HSD17B14: variants seen among roughly 807,000 people sequenced by gnomAD.
HSD17B14 encodes the protein L-fucose dehydrogenase.
In HSD17B14, 32 loss-of-function variants were observed where a neutral mutation model predicts 32.2. That is an observed-to-expected ratio of 0.99 (90% CI 0.75 to 1.33). HSD17B14 has a LOEUF of 1.33. Ranked by LOEUF, HSD17B14 falls within the 40% of genes most tolerant of loss-of-function variation. HSD17B14 has a pLI of 0.00. For missense variants in HSD17B14, 370 were observed against 366.5 expected, an observed-to-expected ratio of 1.01 and a Z score of -0.08; for synonymous variants, 140 against 155.4, an observed-to-expected ratio of 0.90 and a Z score of 0.74.
At chr19:48,830,883 A>T (rs1568523769) in intron 5 of HSD17B14, among the ~76,000 whole-genome samples, 4 of 108,800 alleles carry the variant, frequency 3.7e-5, no homozygotes, top group Admixed American at 2.4e-4. Flanking sequence ...AATGTTGCCC[A>T]GGCTGTATGC....
At position 48,826,528 on chromosome 19, in the gene HSD17B14, A is replaced by AAAATATATAT. The variant is rs777368104; in HGVS notation, c.369+5139_369+5140insATATATATTT. Among the ~76,000 whole-genome samples, 3 of 23,078 alleles carry AAAATATATAT rather than the reference A, an allele frequency of 1.3e-4. 1 individual carries two copies. The highest frequency in any genetic ancestry group is 2.6e-4 in the Non-Finnish European group (3 of 11,524). 15.1% of individuals were successfully genotyped at this position (23,078 alleles called of 152,430 possible). A position where few individuals can be genotyped will look rare whatever the true frequency, so the allele number is the denominator to read the frequency against. ...AAAAAAAAGTAAAAGAAAAGAAGAA[A>AAAATATATAT]ATATATATATATATACACACACACA... On this transcript the variant is annotated intron_variant, in intron 5 of 8. Coordinates refer to ENST00000263278, the MANE Select transcript of HSD17B14 (RefSeq NM_016246.3).
chr19:48,832,660 A>T lies in HSD17B14; in HGVS notation c.277+6T>A. The T allele has an allele frequency of 6.2e-7, 1 of 1,612,476 alleles. No individual in the cohort carries two copies. The highest frequency in any genetic ancestry group is 8.5e-7 in the Non-Finnish European group (1 of 1,179,514). ...TGGAGAATGGCCCTGGGGTCTCACA[A>T]CTCACGGTGGCCAGCGTTGTTGACA... On this transcript the variant is annotated splice_donor_region_variant and intron_variant, in intron 4 of 8. Transcript: ENST00000263278.
chr19:48,828,470 T>C (rs1342632697), intron 5 of HSD17B14, among the ~76,000 whole-genome samples: 2 of 151,552 alleles, frequency 1.3e-5, no homozygotes, highest in African/African-American at 2.4e-5. Context: ...AGTTAAAAAT[T>C]AGTCAGTCAT....
At chr19:48,821,305 G>A (rs1017667159) in intron 5 of HSD17B14, among the ~76,000 whole-genome samples, 5 of 152,138 alleles carry the variant, frequency 3.3e-5, no homozygotes, top group African/African-American at 9.7e-5. Context: ...GAGCCACCGC[G>A]CCTGGCCTCA....
At chr19:48,821,147 G>T (rs1367651969) in intron 5 of HSD17B14, among the ~76,000 whole-genome samples, 22 of 151,776 alleles carry the variant, frequency 1.4e-4, no homozygotes, top group Admixed American at 1.4e-3. Flanking sequence ...TGAGTAGGTG[G>T]GACTACAGGC....
At chr19:48,821,075 C>T (rs933756250) in intron 5 of HSD17B14, among the ~76,000 whole-genome samples, 20 of 148,564 alleles carry the variant, frequency 1.3e-4, no homozygotes, top group Admixed American at 4.8e-4. Flanking sequence ...TGCAGTGGCG[C>T]GATCTCAGCT....
intron 5 of HSD17B14, among the ~76,000 whole-genome samples, chr19:48,829,540 T>C (rs1309972463): frequency 6.6e-6 from 1 of 150,760 alleles, no homozygotes. Flanking sequence ...TTAGTAGAGA[T>C]GGGGTTTCAC....
intron 5 of HSD17B14, among the ~76,000 whole-genome samples, chr19:48,820,789 G>A (rs1326172065): frequency 2.0e-5 from 3 of 151,788 alleles, no homozygotes; most frequent in African/African-American, 7.3e-5. Flanking sequence ...GATAGCTTGA[G>A]CCCAGGAGTT....
intron 5 of HSD17B14, among the ~76,000 whole-genome samples, chr19:48,830,588 C>G (rs571182177): frequency 1.3e-5 from 2 of 152,200 alleles, no homozygotes; most frequent in South Asian, 4.2e-4. Flanking sequence ...CTGATCTTGT[C>G]TCAGAGTGTG....
intron 6 of HSD17B14, 91 bp from the exon 7 acceptor site, chr19:48,813,821 A>C: frequency 1.4e-6 from 2 of 1,415,970 alleles, no homozygotes; most frequent in Non-Finnish European, 2.0e-6. Flanking sequence ...GGGGCATCAG[A>C]ATGGGGAAGT....
intron 5 of HSD17B14, among the ~76,000 whole-genome samples, chr19:48,827,068 A>C (rs900737009): frequency 6.8e-6 from 1 of 146,140 alleles, no homozygotes; most frequent in Non-Finnish European, 1.5e-5. Flanking sequence ...TTTGAGATGG[A>C]GTCTCGCTCT....
intron 5 of HSD17B14, among the ~76,000 whole-genome samples, chr19:48,823,034 G>A (rs1000431597): frequency 1.3e-5 from 2 of 152,090 alleles, no homozygotes; most frequent in African/African-American, 4.8e-5. Context: ...TTGCCCTCAG[G>A]GAAAACAAAG....
intron 5 of HSD17B14, among the ~76,000 whole-genome samples, chr19:48,824,284 C>T (rs1295307483): frequency 4.6e-5 from 3 of 65,788 alleles, no homozygotes; most frequent in East Asian, 3.3e-4. Flanking sequence ...AAAAATTAGT[C>T]GGGTGCTGTG....
rs1301650681 is a variant in HSD17B14, at chr19:48,830,819, GGC to G, written c.369+847_369+848del. 8.9e-5 allele frequency among the ~76,000 whole-genome samples: 12 copies of G among 135,444 alleles called. No homozygotes were observed. In the East Asian group the frequency reaches 2.4e-3, roughly 27 times the overall value. 88.9% of individuals were successfully genotyped at this position (135,444 alleles called of 152,430 possible). A position where few individuals can be genotyped will look rare whatever the true frequency, so the allele number is the denominator to read the frequency against. ...ATTACAGCTGTGAGCTACTGGACCT[GGC>G]CTATTTATTTATTTATTTATTTATT... On this transcript the variant is annotated intron_variant, in intron 5 of 8. Coordinates refer to ENST00000263278, the MANE Select transcript of HSD17B14 (RefSeq NM_016246.3).
intron 6 of HSD17B14, 72 bp from the exon 7 acceptor site, chr19:48,813,802 C>T: frequency 6.5e-7 from 1 of 1,538,408 alleles, no homozygotes; most frequent in Non-Finnish European, 9.0e-7. Flanking sequence ...TTGTCTCCTG[C>T]CAGCCAGGGG....
chr19:48,819,507 C>T (rs962109148), intron 5 of HSD17B14, among the ~76,000 whole-genome samples: 2 of 152,148 alleles, frequency 1.3e-5, no homozygotes, highest in Admixed American at 1.3e-4. Flanking sequence ...ATCTGGTTCC[C>T]ACCCCAATCT....
chr19:48,827,855 T>A (rs866451118), intron 5 of HSD17B14, among the ~76,000 whole-genome samples: 1 of 138,966 alleles, frequency 7.2e-6, no homozygotes, highest in African/African-American at 2.9e-5. Context: ...TTCCTTTTTT[T>A]TTTCTTTTTT....
chr19:48,831,818 G>A (rs1168560248), intron 4 of HSD17B14, 59 bp from the exon 5 acceptor site: 23 of 982,102 alleles, frequency 2.3e-5, no homozygotes, highest in East Asian at 1.5e-4. Flanking sequence ...AGTTGCCCAC[G>A]CCTGTAATCC....
intron 5 of HSD17B14, among the ~76,000 whole-genome samples, chr19:48,825,185 C>T (rs1018084529): frequency 1.4e-5 from 2 of 139,442 alleles, no homozygotes; most frequent in African/African-American, 5.5e-5. Context: ...TTGCCATGAG[C>T]TGAGATGGTG....
Sources: allele counts gnomAD v4.1 joint callset (sites outside exome capture counted in the v4.1 genomes callset), GRCh38; gene constraint gnomAD v4.1.1; transcripts MANE v1.5; gene names NCBI Gene and HGNC (gene_info 2026-07-23, HGNC 2026-07-21).